Variants in TMEM131 observed in about 807,000 individuals in gnomAD.
The protein encoded by TMEM131 is transmembrane protein 131, also known as 2610524E03Rik.
Under a neutral mutation model 211.6 loss-of-function variants are expected in TMEM131, and 66 were observed. That is an observed-to-expected ratio of 0.31 (90% CI 0.26 to 0.38). The LOEUF (loss-of-function observed/expected upper bound fraction) is 0.38, where lower values mean the gene tolerates loss of function less well. Among genes scored for constraint, TMEM131 ranks in the 10% least tolerant of loss-of-function variants. The pLI is 1.00. For synonymous variants in TMEM131, 844 were observed against 841.3 expected, an observed-to-expected ratio of 1.00 and a Z score of -0.06; for missense variants, 2,036 against 2,299.3, an observed-to-expected ratio of 0.89 and a Z score of 2.34.
intron 4 of TMEM131, among the ~76,000 whole-genome samples, chr2:97,879,755 C>A (rs765269684): frequency 1.3e-5 from 2 of 151,946 alleles, no homozygotes; most frequent in African/African-American, 4.8e-5. Flanking sequence ...TTTTAGCTTC[C>A]TTTATGGTAA....
intron 1 of TMEM131, among the ~76,000 whole-genome samples, chr2:97,951,424 G>A (rs1311255627): frequency 6.6e-6 from 1 of 152,150 alleles, no homozygotes; most frequent in Non-Finnish European, 1.5e-5. Flanking sequence ...CCAGACCTGA[G>A]GGGTGAATAA....
At chr2:97,908,310 C>T (rs1018124592) in intron 3 of TMEM131, among the ~76,000 whole-genome samples, 1 of 152,164 alleles carries the variant, frequency 6.6e-6, no homozygotes, top group South Asian at 2.1e-4. Context: ...GCGGGCAGAC[C>T]CCTGGTAACT....
intron 29 of TMEM131, among the ~76,000 whole-genome samples, chr2:97,794,012 AAAAC>A (rs1680637887): frequency 6.7e-5 from 10 of 149,480 alleles, no homozygotes; most frequent in African/African-American, 9.9e-5. Context: ...AAAAAAAAAA[AAAAC>A]AAAAAACCCA....
chr2:97,813,962 T>A lies in TMEM131; in HGVS notation c.1617+9A>T. ...GAGTTTAAATGTTAAAGATGGATAA[T>A]ATACTTACATCTAAAAAGCCTGTGT... On this transcript the variant is annotated intron_variant, in intron 15 of 40. Coordinates refer to ENST00000186436, the MANE Select transcript of TMEM131 (RefSeq NM_015348.2). The A allele has an allele frequency of 6.4e-7, 1 of 1,569,588 alleles. No individual in the cohort carries two copies.
chr2:97,970,965 T>C (rs983785987), intron 1 of TMEM131, among the ~76,000 whole-genome samples: 1 of 152,082 alleles, frequency 6.6e-6, no homozygotes, highest in African/African-American at 2.4e-5. Flanking sequence ...TAGCCTATGG[T>C]GGGGGGAGTA....
intron 11 of TMEM131, among the ~76,000 whole-genome samples, chr2:97,824,283 G>A (rs1484199119): frequency 3.3e-5 from 5 of 152,216 alleles, no homozygotes; most frequent in African/African-American, 4.8e-5. Flanking sequence ...GAGGGTGCCC[G>A]GGGCAAGTGC....
chr2:97,967,861 G>A (rs191181358), intron 1 of TMEM131, among the ~76,000 whole-genome samples: 3 of 151,538 alleles, frequency 2.0e-5, no homozygotes, highest in Admixed American at 2.0e-4. Flanking sequence ...AACACATCCT[G>A]TTGGGATGTC....
At chr2:97,983,733 C>T (rs1392656635) in intron 1 of TMEM131, among the ~76,000 whole-genome samples, 1 of 152,148 alleles carries the variant, frequency 6.6e-6, no homozygotes, top group African/African-American at 2.4e-5. Flanking sequence ...GTTGCCTTTC[C>T]TTAAAACAGT....
rs757477508 is a variant in TMEM131 at position 97,805,735 on chromosome 2, T to C, written c.2056-32A>G. 1.8e-5 allele frequency: 28 copies of C among 1,543,334 alleles called. No homozygotes were observed. The South Asian group carries it at 2.8e-4, about 15-fold the overall frequency. ...GAAGAAAGCAAAGAACAAACTCATT[T>C]GTATATGGTTAAATTTTCTTAAGAT... On this transcript the variant is annotated intron_variant, in intron 19 of 40. Coordinates refer to ENST00000186436, the MANE Select transcript of TMEM131 (RefSeq NM_015348.2).
At position 97,827,200 on chromosome 2, in the gene TMEM131, C is replaced by T. The variant is rs553497514; in HGVS notation, c.1074+6165G>A. 56 of 684,608 alleles carry T rather than the reference C, an allele frequency of 8.2e-5. 1 individual carries two copies. The highest frequency in any genetic ancestry group is 6.7e-4 in the South Asian group (42 of 63,084). 42.4% of individuals were successfully genotyped at this position (684,608 alleles called of 1,614,324 possible). A position where few individuals can be genotyped will look rare whatever the true frequency, so the allele number is the denominator to read the frequency against. ...AGCCCAGTTTCGTGAAGGCTCTTGG[C>T]GCGCCGCGGCCCGCAGGCACCTGGC... is the stretch of plus-strand genomic sequence containing the variant. On this transcript the variant is annotated intron_variant, in intron 11 of 40. Coordinates refer to ENST00000186436, the MANE Select transcript of TMEM131 (RefSeq NM_015348.2).
At chr2:97,853,630 A>G (rs1156918315) in intron 5 of TMEM131, among the ~76,000 whole-genome samples, 13 of 150,302 alleles carry the variant, frequency 8.6e-5, no homozygotes. Flanking sequence ...AAAAAAGAAC[A>G]TTTGTGATTC....
chr2:97,784,669 T>C (rs1680167822), intron 31 of TMEM131, among the ~76,000 whole-genome samples: 4 of 151,980 alleles, frequency 2.6e-5, no homozygotes, highest in African/African-American at 7.3e-5. Context: ...GTATTAACAA[T>C]TAAAGCTTCC....
intron 3 of TMEM131, among the ~76,000 whole-genome samples, chr2:97,896,509 G>T (rs1440978353): frequency 2.0e-5 from 3 of 152,104 alleles, no homozygotes; most frequent in Non-Finnish European, 4.4e-5. Flanking sequence ...CTCTTTGTAG[G>T]TCTCTAAGAA....
At chr2:97,782,379 T>C (rs1680052492) in intron 31 of TMEM131, among the ~76,000 whole-genome samples, 1 of 152,194 alleles carries the variant, frequency 6.6e-6, no homozygotes, top group South Asian at 2.1e-4. Context: ...AGAAAGCCAG[T>C]TAAAACAGAA....
At chr2:97,784,018 G>A (rs541189471) in intron 31 of TMEM131, among the ~76,000 whole-genome samples, 1 of 151,906 alleles carries the variant, frequency 6.6e-6, no homozygotes, top group African/African-American at 2.4e-5. Context: ...ATGATATAAT[G>A]ATAAAACAGT....
chr2:97,802,860 A>G, intron 22 of TMEM131, 70 bp from the exon 23 acceptor site: 2 of 1,337,998 alleles, frequency 1.5e-6, no homozygotes, highest in Non-Finnish European at 2.0e-6. Context: ...AAGAAATTCA[A>G]TTAGGCTTAT....
At position 97,844,126 on chromosome 2, in the gene TMEM131, T is replaced by A. The variant is rs1344553239; in HGVS notation, c.600+19A>T. 8 of 804,364 alleles carry A rather than the reference T, an allele frequency of 9.9e-6. No individual in the cohort carries two copies. The highest frequency in any genetic ancestry group is 7.6e-5 in the South Asian group (2 of 26,202). 49.8% of individuals were successfully genotyped at this position (804,364 alleles called of 1,614,324 possible). A position where few individuals can be genotyped will look rare whatever the true frequency, so the allele number is the denominator to read the frequency against. ...TAATGATTATATTGTATAAAATAAG[T>A]TTTAATTCTGGTTCTTACCTGGTAA... On this transcript the variant is annotated intron_variant, in intron 6 of 40. Transcript: ENST00000186436.
At position 97,995,564 on chromosome 2, in the gene TMEM131, C is replaced by G; in HGVS notation, c.99G>C (p.Gly33=). 1 of 1,314,976 alleles carries G rather than the reference C, an allele frequency of 7.6e-7. No individual in the cohort carries two copies. Among genetic ancestry groups the G allele is most frequent in the Non-Finnish European group, 9.7e-7 (1 of 1,030,810 alleles). The allele number at this position is 1,314,976 out of a possible 1,614,324, so 81.5% of individuals were successfully genotyped here. The change falls in exon 1 of 41, where the codon GGG becomes GGC. Residue 33 remains glycine, a synonymous_variant. Coordinates refer to ENST00000186436, the MANE Select transcript of TMEM131 (RefSeq NM_015348.2). ...GGCCGGCGGCCGCGCTCCGCGGGCCCCCGCTACGGGCGGCCGCAGGTTCCA... is the reference window on the plus strand; with the variant it reads ...GGCCGGCGGCCGCGCTCCGCGGGCCGCCGCTACGGGCGGCCGCAGGTTCCA... The part of the protein sequence containing the change: ...AGLEPAAARS[G]GPRSAAAGLL...
rs372734681 is a variant in TMEM131 at position 97,792,836 on chromosome 2, C to A, written c.3694G>T (p.Val1232Leu). ...SSHSNRNSAD[V>L]ENVRAKNSSS... ...CTGTTTTTGGCTCTGACGTTTTCCA[C>A]GTCAGCTGAGTTTCTATTGCTGTGA... Residue 1232 changes from valine to leucine, a missense_variant, in exon 31 of 41, where the codon GTG (valine) becomes TTG (leucine). Val to Leu is a conservative substitution (Grantham distance 32). Around this residue, in one of 3 missense-constraint regions of TMEM131, gnomAD observed 1,623 missense variants for 1,805.9 expected, o/e 0.90. Coordinates refer to ENST00000186436, the MANE Select transcript of TMEM131 (RefSeq NM_015348.2). 5.0e-6 allele frequency: 8 copies of A among 1,613,962 alleles called. No homozygotes were observed. The highest frequency in any genetic ancestry group is 2.2e-5 in the East Asian group (1 of 44,870).
Sources: allele counts gnomAD v4.1 joint callset (sites outside exome capture counted in the v4.1 genomes callset), GRCh38; gene constraint gnomAD v4.1.1; regional missense constraint gnomAD v4.1.1; transcripts MANE v1.5; gene names NCBI Gene and HGNC (gene_info 2026-07-23, HGNC 2026-07-21).